Variants in SMAD1 observed in about 807,000 individuals in gnomAD.
SMAD1 encodes the protein SMAD family member 1.
A neutral mutation model predicts 41.6 loss-of-function variants in SMAD1; 6 were observed. The observed-to-expected ratio is 0.14, with a 90% CI of 0.08 to 0.28. The LOEUF (loss-of-function observed/expected upper bound fraction) is 0.28, where lower values mean the gene tolerates loss of function less well. SMAD1 is among the 10% of genes least tolerant of loss of function. The pLI is 1.00. For missense variants in SMAD1, 379 were observed against 582.6 expected (o/e 0.65, Z 3.60); for synonymous variants, 206 against 203.2 (o/e 1.01, Z -0.12).
chr4:145,528,893 C>T (rs1731174858), intron 2 of SMAD1, among the ~76,000 whole-genome samples: 3 of 152,194 alleles, frequency 2.0e-5, no homozygotes, highest in Admixed American at 1.3e-4. Flanking sequence ...ATTGGTGATA[C>T]ATTCTCTATC....
At chr4:145,533,596 A>T (rs1376608911) in intron 2 of SMAD1, among the ~76,000 whole-genome samples, 1 of 152,128 alleles carries the variant, frequency 6.6e-6, no homozygotes, top group Non-Finnish European at 1.5e-5. Flanking sequence ...AGGCAGGAGG[A>T]TCGCTTAAGC....
intron 1 of SMAD1, among the ~76,000 whole-genome samples, chr4:145,488,556 C>CT (rs57963489): frequency 4.0e-5 from 6 of 150,946 alleles, no homozygotes; most frequent in African/African-American, 1.5e-4. Flanking sequence ...ACCTTTATAG[C>CT]TTTTTTTTCT....
intron 2 of SMAD1, among the ~76,000 whole-genome samples, chr4:145,535,072 G>A (rs1331105831): frequency 6.6e-6 from 1 of 151,890 alleles, no homozygotes; most frequent in Non-Finnish European, 1.5e-5. Context: ...CAAAGAAAAA[G>A]ATAGAAAAGC....
At chr4:145,511,154 G>A (rs1454330439) in intron 1 of SMAD1, among the ~76,000 whole-genome samples, 2 of 152,096 alleles carry the variant, frequency 1.3e-5, no homozygotes, top group Non-Finnish European at 1.5e-5. Flanking sequence ...TCTCTTAGTT[G>A]TCATATTTTA....
intron 2 of SMAD1, among the ~76,000 whole-genome samples, chr4:145,530,483 A>G (rs1363697469): frequency 6.6e-6 from 1 of 152,188 alleles, no homozygotes; most frequent in Non-Finnish European, 1.5e-5. Context: ...AAAAAGAATC[A>G]TTGGCCTGGC....
At chr4:145,539,611 G>A (rs1731805080) in intron 2 of SMAD1, among the ~76,000 whole-genome samples, 193 bp from the exon 3 acceptor site, 1 of 152,106 alleles carries the variant, frequency 6.6e-6, no homozygotes, top group Admixed American at 6.5e-5. Context: ...GATTCTAAAG[G>A]GATTGTATTT....
At chr4:145,517,407 T>C (rs1350707373) in intron 2 of SMAD1, among the ~76,000 whole-genome samples, 2 of 152,116 alleles carry the variant, frequency 1.3e-5, no homozygotes, top group African/African-American at 4.8e-5. Flanking sequence ...TACCTCCTAC[T>C]TCACACATAT....
At chr4:145,510,391 A>G (rs185146267) in intron 1 of SMAD1, among the ~76,000 whole-genome samples, 2 of 152,130 alleles carry the variant, frequency 1.3e-5, no homozygotes, top group African/African-American at 4.8e-5. Context: ...TATGCATTTA[A>G]GACTATAAAT....
Position 145,546,806 on chromosome 4 carries a change from T to C in SMAD1, c.879T>C (p.Ser293=). Residue 293 remains serine (S), a synonymous_variant, in exon 5 of 7, where the codon AGT becomes AGC. Transcript: ENST00000302085. ...AAGCGTTCCATGCCTCCTCCACAAGTGTGTTGGTGGATGGTTTCACTGATC... is the reference window on the plus strand; with the variant it reads ...AAGCGTTCCATGCCTCCTCCACAAGCGTGTTGGTGGATGGTTTCACTGATC... The part of the protein sequence containing the change: ...VGEAFHASST[S]VLVDGFTDPS... The C allele has an allele frequency of 6.2e-7, 1 of 1,613,588 alleles. No homozygotes were observed. Among genetic ancestry groups the C allele is most frequent in the Non-Finnish European group, 8.5e-7 (1 of 1,179,494 alleles).
intron 5 of SMAD1, among the ~76,000 whole-genome samples, chr4:145,549,450 T>G (rs1372066251): frequency 1.3e-5 from 2 of 152,046 alleles, no homozygotes; most frequent in African/African-American, 4.8e-5. Context: ...AATACATACA[T>G]ACAGACAGAC....
At chr4:145,519,662 A>G (rs1319792663) in intron 2 of SMAD1, among the ~76,000 whole-genome samples, 2 of 108,492 alleles carry the variant, frequency 1.8e-5, no homozygotes, top group East Asian at 4.2e-4. Flanking sequence ...AAAAAAAAAA[A>G]AAAACCCACT....
rs1728197959 is a variant in SMAD1, at chr4:145,481,928, AG to A, written c.-285del. 6.6e-6 allele frequency: 1 copy of A among 152,248 alleles called. No homozygotes were observed. The highest frequency in any genetic ancestry group is 6.6e-5 in the Admixed American group (1 of 15,260). 9.4% of individuals were successfully genotyped at this position (152,248 alleles called of 1,614,324 possible). Reference sequence around the variant, plus strand: ...AGGCCGAGCGGCTCAACCCGGGCCGAGGCTCGGGGAGCGGAGAGTGGCGCAG... The same window carrying A: ...AGGCCGAGCGGCTCAACCCGGGCCGAGCTCGGGGAGCGGAGAGTGGCGCAG... On this transcript the variant is annotated 5_prime_UTR_variant, in exon 1 of 7. Transcript: ENST00000302085.
At chr4:145,538,025 G>A (rs1731711142) in intron 2 of SMAD1, among the ~76,000 whole-genome samples, 1 of 152,182 alleles carries the variant, frequency 6.6e-6, no homozygotes, top group Admixed American at 6.5e-5. Flanking sequence ...GCTGTCTGGT[G>A]CTGCATTTGT....
At chr4:145,510,812 G>A (rs1031902049) in intron 1 of SMAD1, among the ~76,000 whole-genome samples, 5 of 152,002 alleles carry the variant, frequency 3.3e-5, no homozygotes, top group Admixed American at 6.6e-5. Flanking sequence ...TCTCCCACTA[G>A]GATTGTGGGT....
intron 3 of SMAD1, among the ~76,000 whole-genome samples, chr4:145,542,302 T>A (rs752605976): frequency 2.0e-5 from 3 of 152,248 alleles, no homozygotes; most frequent in Non-Finnish European, 2.9e-5. Flanking sequence ...TGATTGCTTT[T>A]AAACAGCATG....
intron 1 of SMAD1, among the ~76,000 whole-genome samples, chr4:145,496,758 T>G (rs186814092): frequency 6.6e-6 from 1 of 152,312 alleles, no homozygotes; most frequent in Admixed American, 6.5e-5. Context: ...ACTATACTTC[T>G]GTTGAAATTT....
chr4:145,501,677 G>C (rs1348280635), intron 1 of SMAD1, among the ~76,000 whole-genome samples: 1 of 149,464 alleles, frequency 6.7e-6, no homozygotes, highest in Non-Finnish European at 1.5e-5. Flanking sequence ...TTTTCCTCCT[G>C]TAGTTGATTC....
rs183063740 is a variant in SMAD1 at position 145,525,048 on chromosome 4, T to C, written c.400+10035T>C. On this transcript the variant is annotated intron_variant, in intron 2 of 6. Transcript: ENST00000302085. Reference sequence around the variant, plus strand: ...GAGTTTAGGAGGAGTCACAGGTGATTTGCCCCATGTGGGAGTGCCCGGTGG... The same window carrying C: ...GAGTTTAGGAGGAGTCACAGGTGATCTGCCCCATGTGGGAGTGCCCGGTGG... Among the ~76,000 whole-genome samples the C allele has an allele frequency of 2.6e-4, 39 of 152,314 alleles. 1 individual carries two copies. The highest frequency in any genetic ancestry group is 9.8e-4 in the Admixed American group (15 of 15,290).
chr4:145,523,465 TAATAA>T (rs1730865816), intron 2 of SMAD1, among the ~76,000 whole-genome samples: 1 of 152,090 alleles, frequency 6.6e-6, no homozygotes, highest in Admixed American at 6.6e-5. Context: ...AAAGAATTAC[TAATAA>T]AATAGACCAG....
Sources: gnomAD v4.1 joint callset for allele counts (sites outside exome capture counted in the v4.1 genomes callset) on GRCh38, gnomAD v4.1.1 for gene constraint, MANE v1.5 for transcripts, NCBI Gene and HGNC (gene_info 2026-07-23, HGNC 2026-07-21) for gene names.